The following FXYD4 variants were observed in gnomAD, a reference collection of about 807,000 sequenced individuals.
FXYD4 encodes FXYD domain containing ion transport regulator 4.
Under a neutral mutation model 18.3 loss-of-function variants are expected in FXYD4, and 14 were observed. The ratio of observed to expected loss-of-function variants is 0.77; its 90% CI spans 0.51 to 1.20. The LOEUF (loss-of-function observed/expected upper bound fraction) is 1.20. Ranked by LOEUF, FXYD4 falls within the 50% of genes most tolerant of loss-of-function variation. FXYD4 has a pLI of 0.00. For missense variants in FXYD4, 99 were observed against 106.1 expected (o/e 0.93, Z 0.29); for synonymous variants, 40 against 40.5 (o/e 0.99, Z 0.04).
At chr10:43,373,911 G>C in intron 3 of FXYD4, 128 bp downstream of exon 3, 1 of 764,166 alleles carries the variant, frequency 1.3e-6, no homozygotes, top group Non-Finnish European at 2.4e-6. Flanking sequence ...TGCCAATTTA[G>C]AGAGAAACAT....
In FXYD4 at chr10:43,373,469, T is replaced by A. The variant is rs947839634; in HGVS notation, c.-232-46T>A. On this transcript the variant is annotated intron_variant, in intron 2 of 8. Coordinates refer to ENST00000476166, the MANE Select transcript of FXYD4 (RefSeq NM_173160.3). ...AGCACTTACTCTGTGCAGGCACAGT[T>A]TTGAGCTCTTAGCTTGTGCTTACTC... The A allele has an allele frequency of 1.1e-5, 6 of 536,484 alleles. No homozygotes were observed. In the Admixed American group the frequency reaches 1.2e-4, roughly 11 times the overall value. 33.2% of individuals were successfully genotyped at this position (536,484 alleles called of 1,614,324 possible).
intron 3 of FXYD4, among the ~76,000 whole-genome samples, 180 bp downstream of exon 3, chr10:43,373,963 A>C (rs1262422081): frequency 1.3e-5 from 2 of 152,270 alleles, no homozygotes; most frequent in African/African-American, 2.4e-5. Context: ...TATTGCAAAA[A>C]GGTCCTAATA....
At chr10:43,373,831 C>A (rs980508320) in intron 3 of FXYD4, 48 bp downstream of exon 3, 14 of 1,286,208 alleles carry the variant, frequency 1.1e-5, no homozygotes, top group African/African-American at 1.5e-5. Context: ...ACCCCACCCA[C>A]AAAGGCAGCA....
In FXYD4 at chr10:43,374,617, T is replaced by A. The variant is rs775344332; in HGVS notation, c.75T>A (p.Asn25Lys). 2.5e-6 allele frequency: 4 copies of A among 1,613,678 alleles called. No individual in the cohort carries two copies. The highest frequency in any genetic ancestry group is 3.4e-6 in the Non-Finnish European group (4 of 1,179,586). ...TALEANDPFA[N>K]KDDPFYYDWK... ...TTTTTGCCCCACTTTTTCTAGCCAA[T>A]AAAGACGATCCCTTCTACTATGGTA... The change falls in exon 5 of 9, where the codon AAT becomes AAA. Residue 25 changes from asparagine to lysine, a missense_variant. Transcript: ENST00000476166.
chr10:43,375,143 C>T (rs1837854471), intron 5 of FXYD4, among the ~76,000 whole-genome samples: 1 of 150,470 alleles, frequency 6.6e-6, no homozygotes, highest in South Asian at 2.1e-4. Context: ...TCTCCTGTCT[C>T]AGCCTCTCGA....
In FXYD4 at chr10:43,373,675, G is replaced by A. The variant is rs1263873907; in HGVS notation, c.-72G>A. The A allele has an allele frequency of 3.4e-6, 3 of 885,436 alleles. No homozygotes were observed. In the East Asian group the frequency reaches 7.2e-5, roughly 21 times the overall value. 54.8% of individuals were successfully genotyped at this position (885,436 alleles called of 1,614,324 possible). A position where few individuals can be genotyped will look rare whatever the true frequency, so the allele number is the denominator to read the frequency against. On this transcript the variant is annotated 5_prime_UTR_variant, in exon 3 of 9. Coordinates refer to ENST00000476166, the MANE Select transcript of FXYD4 (RefSeq NM_173160.3). ...GCTGACCAATTGAGCTGTGAGCCTG[G>A]AGCAGATCCGTGGGCTGCAGACCCC...
Position 43,376,257 on chromosome 10 carries a change from T to G in FXYD4, c.*91T>G, listed in dbSNP as rs79708098. 7.1e-7 allele frequency: 1 copy of G among 1,417,664 alleles called. No individual in the cohort carries two copies. Among genetic ancestry groups the G allele is most frequent in the African/African-American group, 1.4e-5 (1 of 71,234 alleles). The allele number at this position is 1,417,664 out of a possible 1,614,324, so 87.8% of individuals were successfully genotyped here. A position where few individuals can be genotyped will look rare whatever the true frequency, so the allele number is the denominator to read the frequency against. On this transcript the variant is annotated 3_prime_UTR_variant, in exon 9 of 9. Coordinates refer to ENST00000476166, the MANE Select transcript of FXYD4 (RefSeq NM_173160.3). ...GAGGCCTTATCCTCAAGGAAGGACT[T>G]CTCTCCAAGGGCAGGCTGTTAGGCC...
Position 43,375,728 on chromosome 10 carries a change from A to C in FXYD4, c.206A>C (p.Gln69Pro). The C allele has an allele frequency of 6.2e-7, 1 of 1,614,170 alleles. No individual in the cohort carries two copies. Among genetic ancestry groups the C allele is most frequent in the South Asian group, 1.1e-5 (1 of 91,082 alleles). ...TGCAAATGCAAGAGCAGCCAGAAGC[A>C]GCACAGGTGAGCCTGACCCTATGGT... ...GKCKCKSSQK[Q>P]HSPVPEKAIP... The change falls in exon 7 of 9, where the codon CAG becomes CCG. Residue 69 changes from glutamine to proline, a missense_variant. Gln to Pro is a moderately conservative substitution (Grantham distance 76). Transcript: ENST00000476166.
At chr10:43,373,266 G>A (rs1194939954) in intron 2 of FXYD4, among the ~76,000 whole-genome samples, 1 of 152,138 alleles carries the variant, frequency 6.6e-6, no homozygotes, top group African/African-American at 2.4e-5. Flanking sequence ...GTGGGGTTAG[G>A]AAGGCAGGCT....
At position 43,376,067 on chromosome 10, in the gene FXYD4, CA is replaced by C; in HGVS notation, c.249del (p.Gly84AlafsTer19). On this transcript the variant is annotated frameshift_variant and splice_region_variant, in exon 8 of 9. Transcript: ENST00000476166. LOFTEE classifies it high-confidence loss of function. ...GAGAAGGCCATCCCACTCATCACTCCAGGTGAGACGGGCTTCTGTGGGCTGA... is the reference window on the plus strand; with the variant it reads ...GAGAAGGCCATCCCACTCATCACTCCGGTGAGACGGGCTTCTGTGGGCTGA... ...VPEKAIPLIT[P>X]GSATTC The C allele has an allele frequency of 1.2e-6, 2 of 1,614,126 alleles. No homozygotes were observed. Among genetic ancestry groups the C allele is most frequent in the Non-Finnish European group, 1.7e-6 (2 of 1,179,996 alleles).
intron 4 of FXYD4, 49 bp from the exon 5 acceptor site, chr10:43,374,564 C>T (rs1672966069): frequency 6.2e-7 from 1 of 1,611,746 alleles, no homozygotes; most frequent in South Asian, 1.1e-5. Context: ...ACACCCACAT[C>T]CTGTCTCCTG....
Position 43,374,318 on chromosome 10 carries a change from C to T in FXYD4, c.38-152C>T, listed in dbSNP as rs1837842204. 4 of 767,748 alleles carry T rather than the reference C, an allele frequency of 5.2e-6. No individual in the cohort carries two copies. The Admixed American group carries it at 5.3e-5, about 10-fold the overall frequency. The allele number at this position is 767,748 out of a possible 1,614,324, so 47.6% of individuals were successfully genotyped here. On this transcript the variant is annotated intron_variant, in intron 3 of 8. Coordinates refer to ENST00000476166, the MANE Select transcript of FXYD4 (RefSeq NM_173160.3). ...CAGCAGGGCTTGGGCGGGGCCACAC[C>T]CTGAGGCTGTGTGGGGCTGGGGAGG...
intron 5 of FXYD4, 71 bp downstream of exon 5, chr10:43,374,710 AG>A (rs1837847791): frequency 1.4e-5 from 17 of 1,249,928 alleles, no homozygotes; most frequent in Admixed American, 3.4e-5. Context: ...CAAGTTGGTG[AG>A]GGGTAGTGTG....
Position 43,372,218 on chromosome 10 carries a change from G to A in FXYD4, c.-278-509G>A, listed in dbSNP as rs544955479. Among the ~76,000 whole-genome samples, 24 of 152,186 alleles carry A rather than the reference G, an allele frequency of 1.6e-4. No homozygotes were observed. In the South Asian group the frequency reaches 3.7e-3, roughly 24 times the overall value. On this transcript the variant is annotated intron_variant, in intron 1 of 8. Transcript: ENST00000476166. ...CCAAGAACCGATGTTCAGAAGCAGT[G>A]CCTAACAGTCTCTCCCTCCAGTGCC... is the stretch of plus-strand genomic sequence containing the variant.
intron 3 of FXYD4, 61 bp from the exon 4 acceptor site, chr10:43,374,403 GCTGTCT>G: frequency 6.6e-7 from 1 of 1,512,136 alleles, no homozygotes; most frequent in Non-Finnish European, 9.2e-7. Flanking sequence ...CTGGGGTCCT[GCTGTCT>G]GGCTTACTTG....
At chr10:43,372,706 C>G (rs1837822428) in intron 1 of FXYD4, 21 bp from the exon 2 acceptor site, 1 of 152,232 alleles carries the variant, frequency 6.6e-6, no homozygotes, top group Admixed American at 6.5e-5. Context: ...TGCTACTATT[C>G]TGATGATCCT....
chr10:43,372,202 G>A (rs1837815925), intron 1 of FXYD4, among the ~76,000 whole-genome samples: 1 of 152,100 alleles, frequency 6.6e-6, no homozygotes, highest in African/African-American at 2.4e-5. Flanking sequence ...CCCAAGAACC[G>A]ATGTTCAGAA....
chr10:43,375,011 A>G (rs1017343050), intron 5 of FXYD4, among the ~76,000 whole-genome samples: 5 of 138,312 alleles, frequency 3.6e-5, no homozygotes, highest in Admixed American at 3.0e-4. Flanking sequence ...TTCTTTGCGC[A>G]TGTCCACTTC....
chr10:43,373,771 C>T lies in FXYD4; in HGVS notation c.25C>T (p.Leu9Phe). ...CATGGAGAGAGTGACCCTGGCCCTTCTCCTACTGGCAGGTGAGTCCTCCCA... is the reference window on the plus strand; with the variant it reads ...CATGGAGAGAGTGACCCTGGCCCTTTTCCTACTGGCAGGTGAGTCCTCCCA... MERVTLALLLLAGLTALEA... is the reference protein window; with the variant it reads MERVTLALFLLAGLTALEA... The change falls in exon 3 of 9, where the codon CTC (leucine) becomes TTC (phenylalanine). Residue 9 changes from leucine to phenylalanine, a missense_variant. Physicochemically the swap from Leu to Phe is conservative, Grantham distance 22. Transcript: ENST00000476166. 6.2e-7 allele frequency: 1 copy of T among 1,609,604 alleles called. No homozygotes were observed. The highest frequency in any genetic ancestry group is 8.5e-7 in the Non-Finnish European group (1 of 1,175,900).
Sources: allele counts gnomAD v4.1 joint callset (sites outside exome capture counted in the v4.1 genomes callset), GRCh38; gene constraint gnomAD v4.1.1; transcripts MANE v1.5; gene names NCBI Gene and HGNC (gene_info 2026-07-23, HGNC 2026-07-21).